ZFHX3: variants seen among roughly 807,000 people sequenced by gnomAD.
The protein encoded by ZFHX3 is zinc finger homeobox protein 3.
ZFHX3 carries 42 observed loss-of-function variants against 279.1 expected under a neutral mutation model. The observed-to-expected ratio is 0.15, with a 90% CI of 0.12 to 0.19. ZFHX3 has a LOEUF of 0.19. Ranked by LOEUF, ZFHX3 falls within the 10% of genes least tolerant of loss-of-function variation. The probability of loss-of-function intolerance (pLI) is 1.00; values close to 1 mark genes in which losing one functional copy is unlikely to be tolerated. For missense variants in ZFHX3, 4,981 were observed against 4,754.0 expected (o/e 1.05, Z -1.40); for synonymous variants, 2,293 against 1,957.8 (o/e 1.17, Z -4.52).
At chr16:72,946,205 G>A (rs1960666252) in intron 3 of ZFHX3, among the ~76,000 whole-genome samples, 1 of 152,182 alleles carries the variant, frequency 6.6e-6, no homozygotes, top group Non-Finnish European at 1.5e-5. Flanking sequence ...CCATGTGCAT[G>A]AATCAATACC....
At chr16:73,439,909 CAAAAAAAAA>C (rs71156164) in intron 3 of ZFHX3, among the ~76,000 whole-genome samples, 1 of 75,448 alleles carries the variant, frequency 1.3e-5, no homozygotes, top group East Asian at 4.2e-4. Flanking sequence ...GGGAGAGGGA[CAAAAAAAAA>C]AAAAAAAAAA....
At chr16:73,390,409 C>T (rs1459512132) in intron 3 of ZFHX3, among the ~76,000 whole-genome samples, 2 of 152,146 alleles carry the variant, frequency 1.3e-5, no homozygotes, top group East Asian at 1.9e-4. Context: ...GGCACAGGCA[C>T]AGGGTAGCCC....
chr16:73,774,465 C>T (rs1405724179), intron 1 of ZFHX3, among the ~76,000 whole-genome samples: 2 of 152,164 alleles, frequency 1.3e-5, no homozygotes, highest in African/African-American at 2.4e-5. Context: ...CAGAGGTATC[C>T]AAACAAATAC....
chr16:72,837,757 C>A (rs554840634), intron 4 of ZFHX3, among the ~76,000 whole-genome samples: 17 of 151,358 alleles, frequency 1.1e-4, no homozygotes, highest in Non-Finnish European at 1.2e-4. Flanking sequence ...ACTCCACCAT[C>A]CCCAAATAAT....
At chr16:73,331,875 G>A (rs533411068) in intron 3 of ZFHX3, among the ~76,000 whole-genome samples, 8 of 152,268 alleles carry the variant, frequency 5.3e-5, no homozygotes, top group South Asian at 2.1e-4. Context: ...TTCATCTGCC[G>A]TAGTATCCTT....
At chr16:73,426,925 T>C (rs1419060992) in intron 3 of ZFHX3, among the ~76,000 whole-genome samples, 2 of 152,164 alleles carry the variant, frequency 1.3e-5, no homozygotes. Context: ...GTGTTGATTA[T>C]TCTGATTAGA....
intron 3 of ZFHX3, among the ~76,000 whole-genome samples, chr16:73,319,006 C>T (rs965034674): frequency 3.3e-5 from 5 of 151,294 alleles, no homozygotes; most frequent in Non-Finnish European, 5.9e-5. Context: ...AGCCTGCGGT[C>T]GGCCCACACG....
chr16:73,474,169 G>T (rs56688923), intron 2 of ZFHX3, among the ~76,000 whole-genome samples: 3 of 151,790 alleles, frequency 2.0e-5, no homozygotes, highest in African/African-American at 4.8e-5. Context: ...ACAGAGTCTC[G>T]CTCTCTCTCA....
intron 1 of ZFHX3, among the ~76,000 whole-genome samples, chr16:73,696,397 G>T (rs2053197926): frequency 6.6e-6 from 1 of 152,200 alleles, no homozygotes; most frequent in African/African-American, 2.4e-5. Flanking sequence ...GACTCATCCT[G>T]AAGCTGGCAC....
At chr16:73,869,472 C>T (rs1962109193) in intron 1 of ZFHX3, among the ~76,000 whole-genome samples, 2 of 152,334 alleles carry the variant, frequency 1.3e-5, no homozygotes, top group Non-Finnish European at 1.5e-5. Flanking sequence ...ACTGTTTATG[C>T]ACCATAGATA....
intron 2 of ZFHX3, among the ~76,000 whole-genome samples, chr16:73,577,914 T>A (rs1350465692): frequency 2.6e-5 from 4 of 152,178 alleles, no homozygotes. Context: ...CATTCCAAAT[T>A]AGGCTACAGT....
At chr16:73,748,132 T>C (rs8057964) in intron 1 of ZFHX3, among the ~76,000 whole-genome samples, 33,733 of 152,100 alleles carry the variant, frequency 0.22, 4,452 homozygotes, top group East Asian at 0.58. Flanking sequence ...TCTAACATTT[T>C]GAAATTTCAC....
chr16:73,630,759 C>T (rs2052460967), intron 2 of ZFHX3, among the ~76,000 whole-genome samples: 1 of 152,186 alleles, frequency 6.6e-6, no homozygotes, highest in African/African-American at 2.4e-5. Flanking sequence ...AGGTTAAGGG[C>T]AAAGCATGGT....
intron 4 of ZFHX3, among the ~76,000 whole-genome samples, chr16:73,307,052 T>C (rs554670270): frequency 2.9e-4 from 44 of 152,296 alleles, no homozygotes; most frequent in African/African-American, 1.0e-3. Flanking sequence ...GGTGATAAGA[T>C]CACTGACAAA....
chr16:73,424,479 T>C lies in ZFHX3; in HGVS notation c.-1291+31524A>G, dbSNP rs544717487. ...AGAGCAACTCAACAATCTGGGCTAC[T>C]GATGGTTTTGTTCACAGTACTTCGG... is the stretch of plus-strand genomic sequence containing the variant. On this transcript the variant is annotated intron_variant, in intron 3 of 17. Coordinates refer to the ZFHX3 transcript ENST00000641206. Among the ~76,000 whole-genome samples, 5 of 152,232 alleles carry C rather than the reference T, an allele frequency of 3.3e-5. No individual in the cohort carries two copies. The South Asian group carries it at 1.0e-3, about 32-fold the overall frequency.
intron 1 of ZFHX3, among the ~76,000 whole-genome samples, chr16:72,978,750 T>C (rs1428405811): frequency 6.6e-6 from 1 of 152,176 alleles, no homozygotes; most frequent in African/African-American, 2.4e-5. Context: ...CACAGCCCCT[T>C]GGGATCCCCT....
chr16:73,439,206 A>T (rs1365893056), intron 3 of ZFHX3, among the ~76,000 whole-genome samples: 1 of 152,170 alleles, frequency 6.6e-6, no homozygotes, highest in Non-Finnish European at 1.5e-5. Context: ...AGAAAGTTAG[A>T]AGAGTCAGCC....
intron 1 of ZFHX3, 56 bp from the exon 2 acceptor site, chr16:72,960,250 G>C: frequency 2.1e-6 from 3 of 1,416,084 alleles, no homozygotes; most frequent in Non-Finnish European, 1.9e-6. Flanking sequence ...AGAGAGAAAG[G>C]AAAGAGGTTA....
At chr16:73,529,894 TCCC>T (rs1312783470) in intron 2 of ZFHX3, among the ~76,000 whole-genome samples, 1 of 151,472 alleles carries the variant, frequency 6.6e-6, no homozygotes, top group African/African-American at 2.4e-5. Context: ...AGAAAGTAAT[TCCC>T]CACATGTGCA....
Sources: gnomAD v4.1 joint callset for allele counts (sites outside exome capture counted in the v4.1 genomes callset) on GRCh38, gnomAD v4.1.1 for gene constraint, MANE v1.5 for transcripts, NCBI Gene and HGNC (gene_info 2026-07-23, HGNC 2026-07-21) for gene names.